TTYH3: variants seen among roughly 807,000 people sequenced by gnomAD.
The protein encoded by TTYH3 is protein tweety homolog 3.
Under a neutral mutation model 68.2 loss-of-function variants are expected in TTYH3, and 23 were observed. That is an observed-to-expected ratio of 0.34 (90% CI 0.24 to 0.48). TTYH3 has a LOEUF of 0.48. TTYH3 is among the 20% of genes least tolerant of loss of function. The probability of loss-of-function intolerance (pLI) is 0.99; values close to 1 mark genes in which losing one functional copy is unlikely to be tolerated. For missense variants in TTYH3, 768 were observed against 727.7 expected (o/e 1.06, Z -0.64); for synonymous variants, 360 against 332.8 (o/e 1.08, Z -0.89).
chr7:2,632,861 C>G (rs990792230), intron 1 of TTYH3, among the ~76,000 whole-genome samples: 23 of 152,368 alleles, frequency 1.5e-4, no homozygotes, highest in Admixed American at 6.5e-4. Flanking sequence ...GTAATGACCC[C>G]CTGCTTGGCG....
Position 2,656,100 on chromosome 7 carries a change from C to T in TTYH3, c.1029C>T (p.Leu343=). 1 of 1,551,324 alleles carries T rather than the reference C, an allele frequency of 6.4e-7. No homozygotes were observed. The highest frequency in any genetic ancestry group is 8.7e-7 in the Non-Finnish European group (1 of 1,145,146). The change falls in exon 10 of 14, where the codon CTC becomes CTT. Residue 343 remains leucine (L), a synonymous_variant. Coordinates refer to ENST00000258796, the MANE Select transcript of TTYH3 (RefSeq NM_025250.3). ...PWEQPATKDP[L]LRVQEVLNGT... The stretch of plus-strand genomic sequence containing the variant: ...CGGTGCGTGCCCCCCAGGACCCCCT[C>T]CTCCGCGTCCAGGAGGTGCTGAATG...
chr7:2,657,047 C>T lies in TTYH3; in HGVS notation c.1250+513C>T, dbSNP rs539643332. On this transcript the variant is annotated intron_variant, in intron 11 of 13. Coordinates refer to ENST00000258796, the MANE Select transcript of TTYH3 (RefSeq NM_025250.3). ...CTCCCCTGGAGCCACTATGTCCTTACCTTTGAAGTGGGGGTCCTGGTGGCC... is the reference window on the plus strand; with the variant it reads ...CTCCCCTGGAGCCACTATGTCCTTATCTTTGAAGTGGGGGTCCTGGTGGCC... 5.3e-5 allele frequency among the ~76,000 whole-genome samples: 8 copies of T among 152,338 alleles called. No homozygotes were observed. In the South Asian group the frequency reaches 1.7e-3, roughly 32 times the overall value.
At chr7:2,657,283 G>A (rs146944058) in intron 11 of TTYH3, among the ~76,000 whole-genome samples, 37 of 152,290 alleles carry the variant, frequency 2.4e-4, no homozygotes, top group African/African-American at 8.7e-4. Context: ...TTTCCTTTGT[G>A]ATGGTGATGG....
intron 1 of TTYH3, among the ~76,000 whole-genome samples, chr7:2,633,305 C>T (rs1233936144): frequency 1.3e-5 from 2 of 152,146 alleles, no homozygotes; most frequent in Non-Finnish European, 2.9e-5. Context: ...CGGTATTCCG[C>T]GGGCAGCCTA....
rs781398577 is a variant in TTYH3 at position 2,646,968 on chromosome 7, A to G, written c.239A>G (p.Asp80Gly). Reference sequence around the variant, plus strand: ...CGGCGCAAGAGCGAGGAGCACCTGGACGCCGACTGCTGCTGCACGGCCTGG... The same window carrying G: ...CGGCGCAAGAGCGAGGAGCACCTGGGCGCCGACTGCTGCTGCACGGCCTGG... ...CRRRKSEEHL[D>G]ADCCCTAWCV... Residue 80 changes from aspartate (D) to glycine (G), a missense_variant, in exon 2 of 14, where the codon GAC becomes GGC. Asp to Gly is a moderately conservative substitution (Grantham distance 94). Coordinates refer to ENST00000258796, the MANE Select transcript of TTYH3 (RefSeq NM_025250.3). 2.5e-6 allele frequency: 4 copies of G among 1,596,794 alleles called. No individual in the cohort carries two copies. In the South Asian group the frequency reaches 4.5e-5, roughly 18 times the overall value.
chr7:2,636,831 C>G (rs529893151), intron 1 of TTYH3, among the ~76,000 whole-genome samples: 1 of 152,136 alleles, frequency 6.6e-6, no homozygotes, highest in African/African-American at 2.4e-5. Context: ...ACCCTTGGCC[C>G]GGCCGCTGCC....
intron 1 of TTYH3, among the ~76,000 whole-genome samples, chr7:2,639,411 C>T (rs1004640292): frequency 2.0e-5 from 3 of 152,228 alleles, no homozygotes; most frequent in Non-Finnish European, 4.4e-5. Flanking sequence ...ACGATGCTCC[C>T]CACAACGGGA....
At chr7:2,656,680 T>A (rs563648918) in intron 11 of TTYH3, 146 bp downstream of exon 11, 5 of 964,196 alleles carry the variant, frequency 5.2e-6, no homozygotes, top group African/African-American at 1.7e-5. Flanking sequence ...TCCCTAGGCC[T>A]CTCTAGTGTC....
rs574607514 is a variant in TTYH3, at chr7:2,642,683, G to A, written c.124-4170G>A. Among the ~76,000 whole-genome samples, 9 of 150,768 alleles carry A rather than the reference G, an allele frequency of 6.0e-5. No individual in the cohort carries two copies. The South Asian group carries it at 1.5e-3, about 25-fold the overall frequency. On this transcript the variant is annotated intron_variant, in intron 1 of 13. Coordinates refer to ENST00000258796, the MANE Select transcript of TTYH3 (RefSeq NM_025250.3). ...GTTGAGGCTTCAGTGAGTGGTGATCGTGCCACTGCACTCCAGCCTGGGCCA... is the reference window on the plus strand; with the variant it reads ...GTTGAGGCTTCAGTGAGTGGTGATCATGCCACTGCACTCCAGCCTGGGCCA...
chr7:2,664,692 A>G lies in TTYH3; in HGVS notation c.*2953A>G, dbSNP rs959316111. 6.7e-6 allele frequency: 1 copy of G among 149,546 alleles called. No individual in the cohort carries two copies. Among genetic ancestry groups the G allele is most frequent in the Non-Finnish European group, 1.5e-5 (1 of 67,400 alleles). The allele number at this position is 149,546 out of a possible 1,614,324, so 9.3% of individuals were successfully genotyped here. On this transcript the variant is annotated 3_prime_UTR_variant, in exon 14 of 14. Coordinates refer to ENST00000258796, the MANE Select transcript of TTYH3 (RefSeq NM_025250.3). ...GAACTGGGTTTGGGGGCTGATTTTT[A>G]TTTCTTTGGGGGCTTTTTTTCTTGG... is the stretch of plus-strand genomic sequence containing the variant.
At chr7:2,658,714 G>A (rs73045049) in intron 12 of TTYH3, among the ~76,000 whole-genome samples, 3,687 of 152,332 alleles carry the variant, frequency 0.024, 65 homozygotes, top group Middle Eastern at 0.061. Flanking sequence ...CAGCTACATG[G>A]TGAACAGGTG....
rs573049687 is a variant in TTYH3 at position 2,652,455 on chromosome 7, G to A, written c.927+213G>A. Among the ~76,000 whole-genome samples the A allele has an allele frequency of 1.3e-3, 199 of 152,294 alleles. 1 individual carries two copies. Among genetic ancestry groups the A allele is most frequent in the African/African-American group, 4.5e-3 (189 of 41,544 alleles). On this transcript the variant is annotated intron_variant, in intron 8 of 13. Coordinates refer to ENST00000258796, the MANE Select transcript of TTYH3 (RefSeq NM_025250.3). ...TGACCTGGCTGAGAGCCTTTCGGGG[G>A]GACCTGCTCAATGCACCCGCATCGC... is the stretch of plus-strand genomic sequence containing the variant.
chr7:2,641,708 C>T (rs951363425), intron 1 of TTYH3, among the ~76,000 whole-genome samples: 1 of 152,222 alleles, frequency 6.6e-6, no homozygotes. Flanking sequence ...GCTGGGCCAC[C>T]GTAGGAATGC....
In TTYH3 at chr7:2,632,070, G is replaced by T. The variant is rs1243753719; in HGVS notation, c.-86G>T. ...GGATGATGCGGGCGGCCAGGCGGGG[G>T]TCGACGGGTCCCTGAAGCCCGCGCC... On this transcript the variant is annotated 5_prime_UTR_variant, in exon 1 of 14. Coordinates refer to ENST00000258796, the MANE Select transcript of TTYH3 (RefSeq NM_025250.3). 3.6e-5 allele frequency: 43 copies of T among 1,183,312 alleles called. No homozygotes were observed. In the East Asian group the frequency reaches 1.5e-3, roughly 41 times the overall value. 73.3% of individuals were successfully genotyped at this position (1,183,312 alleles called of 1,614,324 possible). A position where few individuals can be genotyped will look rare whatever the true frequency, so the allele number is the denominator to read the frequency against.
At chr7:2,650,080 C>A in intron 7 of TTYH3, 92 bp downstream of exon 7, 1 of 1,333,526 alleles carries the variant, frequency 7.5e-7, no homozygotes, top group Non-Finnish European at 1.1e-6. Context: ...ACACCCCTGC[C>A]CTGTGGGTCC....
chr7:2,649,236 G>A (rs1583567592), intron 5 of TTYH3, among the ~76,000 whole-genome samples: 1 of 152,122 alleles, frequency 6.6e-6, no homozygotes, highest in African/African-American at 2.4e-5. Context: ...TACGTGGGCG[G>A]CGGGATGCGG....
chr7:2,649,497 C>T lies in TTYH3; in HGVS notation c.723-70C>T, dbSNP rs1786100016. 12 of 1,469,826 alleles carry T rather than the reference C, an allele frequency of 8.2e-6. No homozygotes were observed. The South Asian group carries it at 9.7e-5, about 12-fold the overall frequency. The allele number at this position is 1,469,826 out of a possible 1,614,324, so 91.0% of individuals were successfully genotyped here. ...ATGTGCACTGGGACCTGCCTTCTGG[C>T]CTGCAGCCCAGCAGGTGGCACGGCC... On this transcript the variant is annotated intron_variant, in intron 5 of 13. Coordinates refer to ENST00000258796, the MANE Select transcript of TTYH3 (RefSeq NM_025250.3).
At chr7:2,642,523 C>T (rs1422965289) in intron 1 of TTYH3, among the ~76,000 whole-genome samples, 3 of 120,838 alleles carry the variant, frequency 2.5e-5, no homozygotes, top group Admixed American at 1.1e-4. Flanking sequence ...GCCTCAGTGA[C>T]AGAGACTCTG....
chr7:2,633,296 G>A (rs898456664), intron 1 of TTYH3, among the ~76,000 whole-genome samples: 5 of 152,130 alleles, frequency 3.3e-5, no homozygotes, highest in African/African-American at 1.2e-4. Flanking sequence ...TTGGGAATCC[G>A]GTATTCCGCG....
Sources: allele counts gnomAD v4.1 joint callset (sites outside exome capture counted in the v4.1 genomes callset), GRCh38; gene constraint gnomAD v4.1.1; transcripts MANE v1.5; gene names NCBI Gene and HGNC (gene_info 2026-07-23, HGNC 2026-07-21).